Variants in TUNAR observed in about 807,000 individuals in gnomAD.
The protein encoded by TUNAR is protein TUNAR.
At chr14:95,923,025 G>A (rs964545675) in exon 3 of TUNAR, 26 of 398,758 alleles carry the variant, frequency 6.5e-5, no homozygotes, top group African/African-American at 4.9e-4. Context: ...CCTGCGTGTC[G>A]GCGCATCACT....
intron 2 of TUNAR, among the ~76,000 whole-genome samples, chr14:95,919,730 A>G (rs982774233): frequency 6.6e-6 from 1 of 152,242 alleles, no homozygotes; most frequent in East Asian, 1.9e-4. Flanking sequence ...TAATAATAAT[A>G]GTAATAATGA....
chr14:95,901,639 T>G (rs1414258438), intron 2 of TUNAR, among the ~76,000 whole-genome samples: 2 of 152,140 alleles, frequency 1.3e-5, no homozygotes, highest in East Asian at 3.9e-4. Context: ...TTCTGGAAAA[T>G]GGGCAGATAC....
chr14:95,903,027 A>C (rs907990435), intron 2 of TUNAR, among the ~76,000 whole-genome samples: 1 of 152,190 alleles, frequency 6.6e-6, no homozygotes, highest in East Asian at 1.9e-4. Context: ...ATTGTTTCCC[A>C]TTGAATCCAT....
At chr14:95,889,974 A>AAC (rs1372200336) in intron 2 of TUNAR, among the ~76,000 whole-genome samples, 1 of 151,980 alleles carries the variant, frequency 6.6e-6, no homozygotes, top group African/African-American at 2.4e-5. Flanking sequence ...AAAAAAAAAA[A>AAC]AAACTGACAA....
At chr14:95,891,166 T>C (rs1212495433) in intron 2 of TUNAR, among the ~76,000 whole-genome samples, 1 of 152,222 alleles carries the variant, frequency 6.6e-6, no homozygotes, top group Admixed American at 6.5e-5. Flanking sequence ...GTTTGGCATA[T>C]GCAGACACAC....
intron 2 of TUNAR, among the ~76,000 whole-genome samples, chr14:95,907,690 G>A (rs140984126): frequency 9.9e-5 from 15 of 152,274 alleles, no homozygotes; most frequent in Admixed American, 8.5e-4. Context: ...CCCATTGAGC[G>A]TACAGCTCTC....
chr14:95,879,404 A>C (rs747242666), intron 2 of TUNAR, among the ~76,000 whole-genome samples: 1 of 152,192 alleles, frequency 6.6e-6, no homozygotes, highest in Non-Finnish European at 1.5e-5. Context: ...ATCTCCCAGC[A>C]TTGTGTGTTT....
In TUNAR at chr14:95,889,416, G is replaced by A. The variant is rs542912699; in HGVS notation, c.12+12239G>A. Among the ~76,000 whole-genome samples, 28 of 152,114 alleles carry A rather than the reference G, an allele frequency of 1.8e-4. No homozygotes were observed. In the South Asian group the frequency reaches 4.0e-3, roughly 21 times the overall value. On this transcript the variant is annotated intron_variant, in intron 2 of 2. Coordinates refer to ENST00000678517, the Ensembl canonical transcript of TUNAR. ...GGCACCGTGCCTGCTGCATGTGAAG[G>A]AGAAGTTGGCTTGCCCTTCCACCTC...
intron 2 of TUNAR, among the ~76,000 whole-genome samples, chr14:95,913,922 G>A (rs886181597): frequency 7.9e-5 from 12 of 152,150 alleles, no homozygotes; most frequent in Non-Finnish European, 5.9e-5. Flanking sequence ...TAGTAGAGAC[G>A]GGGTTTCACC....
Position 95,895,331 on chromosome 14 carries a change from A to G in TUNAR, c.12+18154A>G, listed in dbSNP as rs1341512131. 6.6e-6 allele frequency among the ~76,000 whole-genome samples: 1 copy of G among 152,174 alleles called. No homozygotes were observed. Among genetic ancestry groups the G allele is most frequent in the Non-Finnish European group, 1.5e-5 (1 of 68,018 alleles). On this transcript the variant is annotated intron_variant, in intron 2 of 2. Transcript: ENST00000678517. This position sits in a 1 kb window ranked among gnomAD's most constrained non-coding sequence, Gnocchi z 4.5. Reference sequence around the variant, plus strand: ...AGAAAGATCTGCCTGCTGGTTTGATAGAGTGAGGGAAGTGTGGGGCCCTGT... The same window carrying G: ...AGAAAGATCTGCCTGCTGGTTTGATGGAGTGAGGGAAGTGTGGGGCCCTGT...
chr14:95,905,717 C>T lies in TUNAR; in HGVS notation c.13-17064C>T, dbSNP rs547885634. ...ATCTCTTTCTCCTCAAACATGAGCT[C>T]ATTACTTTTAGCATCCATCGGTAGA... On this transcript the variant is annotated intron_variant, in intron 2 of 2. Coordinates refer to ENST00000678517, the Ensembl canonical transcript of TUNAR. 8.5e-5 allele frequency among the ~76,000 whole-genome samples: 13 copies of T among 152,288 alleles called. No homozygotes were observed. In the South Asian group the frequency reaches 2.7e-3, roughly 32 times the overall value.
At chr14:95,890,104 T>C (rs1000705113) in intron 2 of TUNAR, among the ~76,000 whole-genome samples, 1 of 152,172 alleles carries the variant, frequency 6.6e-6, no homozygotes, top group Non-Finnish European at 1.5e-5. Flanking sequence ...CTTGAATTCC[T>C]AGGCTCAAGC....
At chr14:95,925,549 T>TAAAG (rs1889774898) in exon 3 of TUNAR, 1 of 151,856 alleles carries the variant, frequency 6.6e-6, no homozygotes, top group African/African-American at 2.4e-5. Flanking sequence ...GAATAAACAA[T>TAAAG]AAAGGTGCAA....
At chr14:95,886,113 G>A (rs955224857) in intron 2 of TUNAR, among the ~76,000 whole-genome samples, 3 of 152,162 alleles carry the variant, frequency 2.0e-5, no homozygotes, top group African/African-American at 4.8e-5. Context: ...GTCTCCCTGT[G>A]CCTCTGCAAA....
rs970879990 is a variant in TUNAR, at chr14:95,895,553, G to T, written c.12+18376G>T. Among the ~76,000 whole-genome samples, 1 of 152,144 alleles carries T rather than the reference G, an allele frequency of 6.6e-6. No individual in the cohort carries two copies. The highest frequency in any genetic ancestry group is 1.5e-5 in the Non-Finnish European group (1 of 68,022). The stretch of plus-strand genomic sequence containing the variant: ...GCATCTGTTTTACAAGGGAGTTCCC[G>T]ACGCATCCTCCAGGATCATGGTTCG... On this transcript the variant is annotated intron_variant, in intron 2 of 2. Transcript: ENST00000678517. This position sits in a 1 kb window ranked among gnomAD's most constrained non-coding sequence, Gnocchi z 4.5.
intron 2 of TUNAR, among the ~76,000 whole-genome samples, chr14:95,891,195 G>A (rs1201353646): frequency 6.6e-6 from 1 of 152,238 alleles, no homozygotes; most frequent in Non-Finnish European, 1.5e-5. Flanking sequence ...ACTGATTTCT[G>A]AAAGTGCATC....
At chr14:95,887,048 G>A (rs991446569) in intron 2 of TUNAR, among the ~76,000 whole-genome samples, 1 of 152,164 alleles carries the variant, frequency 6.6e-6, no homozygotes, top group African/African-American at 2.4e-5. Context: ...GATTAGAATG[G>A]TTGTCAGGAT....
intron 2 of TUNAR, among the ~76,000 whole-genome samples, chr14:95,879,129 G>A (rs1888937117): frequency 6.6e-6 from 1 of 152,242 alleles, no homozygotes; most frequent in South Asian, 2.1e-4. Context: ...GTTTTTGGCT[G>A]TGGATTAGAG....
chr14:95,920,538 G>A (rs553995672), intron 2 of TUNAR, among the ~76,000 whole-genome samples: 1 of 152,268 alleles, frequency 6.6e-6, no homozygotes, highest in African/African-American at 2.4e-5. Flanking sequence ...TATGAAACTT[G>A]CCTTTAGGGT....
Sources: allele counts gnomAD v4.1 joint callset (sites outside exome capture counted in the v4.1 genomes callset), GRCh38; gene constraint gnomAD v4.1.1; non-coding constraint Gnocchi (gnomAD v3.1); transcripts MANE v1.5; gene names NCBI Gene and HGNC (gene_info 2026-07-23, HGNC 2026-07-21).